The following TRIM63 variants were observed in gnomAD, a reference collection of about 807,000 sequenced individuals.
TRIM63 encodes the protein tripartite motif containing 63, also known as E3 ubiquitin-protein ligase TRIM63.
A neutral mutation model predicts 46.0 loss-of-function variants in TRIM63; 48 were observed. The ratio of observed to expected loss-of-function variants is 1.04; its 90% CI spans 0.83 to 1.33. TRIM63 has a LOEUF of 1.33. TRIM63 is among the 40% of genes most tolerant of loss of function. TRIM63 has a pLI of 0.00. For synonymous variants in TRIM63, 175 were observed against 162.8 expected, an observed-to-expected ratio of 1.08 and a Z score of -0.57; for missense variants, 455 against 441.2, an observed-to-expected ratio of 1.03 and a Z score of -0.28.
In TRIM63 at chr1:26,066,293, C is replaced by T. The variant is rs564449136; in HGVS notation, c.307G>A (p.Asp103Asn). 7 of 1,614,078 alleles carry T rather than the reference C, an allele frequency of 4.3e-6. No individual in the cohort carries two copies. The Admixed American group carries it at 5.0e-5, about 12-fold the overall frequency. The change falls in exon 2 of 9, where the codon GAC becomes AAC. Residue 103 changes from aspartate (D) to asparagine (N), a missense_variant. By Grantham distance (23) the Asp-to-Asn change is conservative. Coordinates refer to ENST00000374272, the MANE Select transcript of TRIM63 (RefSeq NM_032588.4). Reference sequence around the variant, plus strand: ...CTGGAGCACTCCTGTTTGTAGATGTCGATGATGTTCTCCACCAGCAGGTTC... The same window carrying T: ...CTGGAGCACTCCTGTTTGTAGATGTTGATGATGTTCTCCACCAGCAGGTTC... ...QRNLLVENII[D>N]IYKQECSSRP...
intron 2 of TRIM63, 110 bp downstream of exon 2, chr1:26,066,158 A>T: frequency 7.9e-7 from 1 of 1,262,348 alleles, no homozygotes; most frequent in Non-Finnish European, 1.1e-6. Flanking sequence ...TAGCTAGTCC[A>T]GCTAGAGGCC....
At chr1:26,066,738 T>A (rs1042661043) in intron 1 of TRIM63, among the ~76,000 whole-genome samples, 2 of 152,156 alleles carry the variant, frequency 1.3e-5, no homozygotes, top group African/African-American at 4.8e-5. Flanking sequence ...ATGAAATAGG[T>A]ATTACAATGA....
rs200277313 is a variant in TRIM63, at chr1:26,067,326, C to G, written c.159+10G>C. ...TGGGGACCCCAAATGAAGCTGCACC[C>G]GGCACTTACCTGGAAGATGTCATTG... On this transcript the variant is annotated intron_variant, in intron 1 of 8. Transcript: ENST00000374272. The G allele has an allele frequency of 1.9e-6, 3 of 1,613,230 alleles. No individual in the cohort carries two copies. In the South Asian group the frequency reaches 3.3e-5, roughly 18 times the overall value.
chr1:26,057,233 C>T lies in TRIM63; in HGVS notation c.949G>A (p.Asp317Asn). ...CCAAAGTCAATGGCTCTCAGGGCGTCTGCTATGTGCTCTAAATCCAAAGTA... is the reference window on the plus strand; with the variant it reads ...CCAAAGTCAATGGCTCTCAGGGCGTTTGCTATGTGCTCTAAATCCAAAGTA... ...FFTLDLEHIA[D>N]ALRAIDFGTD... is the part of the protein sequence containing the mutation. Residue 317 changes from aspartate to asparagine, a missense_variant, in exon 7 of 9, where the codon GAC becomes AAC. Asp to Asn is a conservative substitution (Grantham distance 23). Transcript: ENST00000374272. 1 of 1,614,222 alleles carries T rather than the reference C, an allele frequency of 6.2e-7. No homozygotes were observed. The highest frequency in any genetic ancestry group is 8.5e-7 in the Non-Finnish European group (1 of 1,180,026).
intron 2 of TRIM63, among the ~76,000 whole-genome samples, chr1:26,064,742 G>A (rs2050659034): frequency 6.6e-6 from 1 of 152,196 alleles, no homozygotes; most frequent in Non-Finnish European, 1.5e-5. Flanking sequence ...GCAGACAGAG[G>A]AAATGAAGCT....
intron 7 of TRIM63, among the ~76,000 whole-genome samples, chr1:26,054,968 CAAAA>C (rs60719420): frequency 3.1e-5 from 3 of 97,422 alleles, no homozygotes; most frequent in Non-Finnish European, 4.5e-5. Flanking sequence ...AACTCCGTCT[CAAAA>C]AAAAAAAAAA....
At chr1:26,065,437 G>A (rs1197223990) in intron 2 of TRIM63, among the ~76,000 whole-genome samples, 3 of 151,838 alleles carry the variant, frequency 2.0e-5, no homozygotes, top group African/African-American at 7.3e-5. Context: ...TTCTCCTGAA[G>A]AGCTGGGACT....
intron 2 of TRIM63, among the ~76,000 whole-genome samples, chr1:26,065,753 C>T (rs369746927): frequency 2.0e-5 from 3 of 152,184 alleles, no homozygotes; most frequent in Non-Finnish European, 2.9e-5. Flanking sequence ...AGCTGGGAAA[C>T]CTTAGCTAAT....
intron 2 of TRIM63, among the ~76,000 whole-genome samples, chr1:26,063,260 C>G (rs1240237010): frequency 6.8e-6 from 1 of 147,080 alleles, no homozygotes; most frequent in Non-Finnish European, 1.5e-5. Flanking sequence ...TCTTCTGTCT[C>G]CGGCTAGACT....
At chr1:26,061,098 T>G in intron 3 of TRIM63, 68 bp downstream of exon 3, 1 of 1,539,712 alleles carries the variant, frequency 6.5e-7, no homozygotes, top group Non-Finnish European at 8.9e-7. Context: ...GGATCAAATC[T>G]GCCTCCTGAA....
At position 26,067,342 on chromosome 1, in the gene TRIM63, G is replaced by A; in HGVS notation, c.153C>T (p.Ile51=). Residue 51 remains isoleucine, a synonymous_variant, in exon 1 of 9, where the codon ATC becomes ATT. Transcript: ENST00000374272. ...HNLCRKCAND[I]FQAANPYWTS... ...AGCTGCACCCGGCACTTACCTGGAA[G>A]ATGTCATTGGCACACTTCCGGCACA... The A allele has an allele frequency of 2.5e-6, 4 of 1,614,028 alleles. No homozygotes were observed. Among genetic ancestry groups the A allele is most frequent in the Non-Finnish European group, 3.4e-6 (4 of 1,180,030 alleles).
chr1:26,053,709 G>GT (rs2050542611), intron 8 of TRIM63, among the ~76,000 whole-genome samples, 184 bp downstream of exon 8: 1 of 152,122 alleles, frequency 6.6e-6, no homozygotes, highest in Admixed American at 6.5e-5. Flanking sequence ...ATAGTTTGGG[G>GT]TTTTTTTCTT....
rs777532437 is a variant in TRIM63, at chr1:26,057,338, G to T, written c.855-11C>A. ...GAAGCTTCCACAATGCTGCAGGGGA[G>T]ACAGAAAGAGAGGCAGGATGAGGTC... On this transcript the variant is annotated splice_polypyrimidine_tract_variant and intron_variant, in intron 6 of 8. Transcript: ENST00000374272. The T allele has an allele frequency of 6.2e-7, 1 of 1,613,634 alleles. No homozygotes were observed.
chr1:26,052,557 C>G (rs922793228), intron 8 of TRIM63, among the ~76,000 whole-genome samples: 1 of 152,162 alleles, frequency 6.6e-6, no homozygotes, highest in Admixed American at 6.5e-5. Context: ...CTCCGCCCCC[C>G]TGGGGTTCTA....
intron 7 of TRIM63, among the ~76,000 whole-genome samples, chr1:26,055,748 T>G (rs1339728001): frequency 6.6e-6 from 1 of 152,104 alleles, no homozygotes. Context: ...TGACCTCAGG[T>G]GATCCACCTG....
Position 26,065,110 on chromosome 1 carries a change from G to A in TRIM63, c.332+1158C>T, listed in dbSNP as rs113655048. Among the ~76,000 whole-genome samples the A allele has an allele frequency of 3.2e-4, 48 of 149,104 alleles. 1 individual carries two copies. The highest frequency in any genetic ancestry group is 1.3e-3 in the Admixed American group (19 of 14,952). On this transcript the variant is annotated intron_variant, in intron 2 of 8. Coordinates refer to ENST00000374272, the MANE Select transcript of TRIM63 (RefSeq NM_032588.4). ...ACGATCTCTGCTCACTACAACCTCC[G>A]CCTCCCTTGTTCAAGCAATTCTCCT...
intron 2 of TRIM63, among the ~76,000 whole-genome samples, chr1:26,062,282 A>AGAAAG (rs1317103105): frequency 1.3e-5 from 2 of 150,332 alleles, no homozygotes; most frequent in African/African-American, 4.9e-5. Flanking sequence ...AAAAAAAAAA[A>AGAAAG]AAAGAAAGAA....
chr1:26,066,335 C>A lies in TRIM63; in HGVS notation c.265G>T (p.Val89Leu). Residue 89 changes from valine to leucine, a missense_variant, in exon 2 of 9, where the codon GTG becomes TTG. Physicochemically the swap from Val to Leu is conservative, Grantham distance 32. Transcript: ENST00000374272. ...RHEVIMDRHG[V>L]YGLQRNLLVE... Reference sequence around the variant, plus strand: ...AGCAGGTTCCTCTGCAGGCCGTACACTCCGTGACGATCCATGATCACCTCG... The same window carrying A: ...AGCAGGTTCCTCTGCAGGCCGTACAATCCGTGACGATCCATGATCACCTCG... 1 of 1,614,206 alleles carries A rather than the reference C, an allele frequency of 6.2e-7. No homozygotes were observed. The highest frequency in any genetic ancestry group is 8.5e-7 in the Non-Finnish European group (1 of 1,180,034).
rs749234914 is a variant in TRIM63, at chr1:26,060,256, G to A, written c.597+10C>T. ...CCAAATCCCCAGGCAGGACTATTCT[G>A]TCCGCTCACCTTGGTCACTCGACGG... is the stretch of plus-strand genomic sequence containing the variant. On this transcript the variant is annotated intron_variant, in intron 4 of 8. Transcript: ENST00000374272. 2.5e-6 allele frequency: 4 copies of A among 1,611,972 alleles called. No individual in the cohort carries two copies. Among genetic ancestry groups the A allele is most frequent in the Non-Finnish European group, 3.4e-6 (4 of 1,178,484 alleles).
Sources: gnomAD v4.1 joint callset for allele counts (sites outside exome capture counted in the v4.1 genomes callset) on GRCh38, gnomAD v4.1.1 for gene constraint, MANE v1.5 for transcripts, NCBI Gene and HGNC (gene_info 2026-07-23, HGNC 2026-07-21) for gene names.